The following LYAR variants were observed in gnomAD, a reference collection of about 807,000 sequenced individuals.
The protein encoded by LYAR is Ly1 antibody reactive, also known as cell growth-regulating nucleolar protein.
Under a neutral mutation model 45.2 loss-of-function variants are expected in LYAR, and 37 were observed. The observed-to-expected ratio is 0.82, with a 90% CI of 0.63 to 1.08. The LOEUF is 1.08. Among genes scored for constraint, LYAR ranks in the 50% least tolerant of loss-of-function variants. LYAR has a pLI of 0.00. For missense variants in LYAR, 493 were observed against 451.0 expected (o/e 1.09, Z -0.84); for synonymous variants, 176 against 155.1 (o/e 1.14, Z -1.00).
intron 8 of LYAR, among the ~76,000 whole-genome samples, chr4:4,272,213 T>C (rs2108838609): frequency 6.6e-6 from 1 of 152,340 alleles, no homozygotes; most frequent in Non-Finnish European, 1.5e-5. Context: ...AGTGTTATCC[T>C]GGGTGGCAAC....
At chr4:4,286,458 TC>T (rs1560098704) in intron 2 of LYAR, 60 bp downstream of exon 2, 1 of 151,968 alleles carries the variant, frequency 6.6e-6, no homozygotes, top group Non-Finnish European at 1.5e-5. Context: ...GGAAATTCAG[TC>T]CCTCTAATGG....
intron 6 of LYAR, among the ~76,000 whole-genome samples, chr4:4,275,946 C>A (rs1331620064): frequency 6.6e-6 from 1 of 152,198 alleles, no homozygotes; most frequent in Non-Finnish European, 1.5e-5. Context: ...TCCGCCCGAC[C>A]TGGCCTCCCA....
intron 3 of LYAR, among the ~76,000 whole-genome samples, chr4:4,282,684 G>A (rs1416225886): frequency 1.3e-5 from 2 of 152,260 alleles, no homozygotes; most frequent in African/African-American, 4.8e-5. Context: ...TTCAAGAGGG[G>A]AGCCCTCTGC....
At chr4:4,289,569 G>C (rs1719773252) in intron 1 of LYAR, 1 of 152,290 alleles carries the variant, frequency 6.6e-6, no homozygotes, top group African/African-American at 2.4e-5. Context: ...TGACAGATGA[G>C]GAAAGTGAGG....
rs1466861029 is a variant in LYAR, at chr4:4,267,901, C to G, written c.1128G>C (p.Lys376Asn). 1.2e-6 allele frequency: 2 copies of G among 1,610,632 alleles called. No individual in the cohort carries two copies. The highest frequency in any genetic ancestry group is 2.7e-5 in the African/African-American group (2 of 74,894). Residue 376 changes from lysine (K) to asparagine (N), a missense_variant, in exon 10 of 10, where the codon AAG (lysine) becomes AAC (asparagine). Transcript: ENST00000343470. ...PTFKLLKDKVKLVK is the reference protein window; with the variant it reads ...PTFKLLKDKVNLVK ...AATACACAAATGTTCATTTCACAAGCTTGACTTTGTCCTTTAATAACTTAA... is the reference window on the plus strand; with the variant it reads ...AATACACAAATGTTCATTTCACAAGGTTGACTTTGTCCTTTAATAACTTAA...
At chr4:4,270,713 C>G (rs1718899589) in intron 8 of LYAR, among the ~76,000 whole-genome samples, 2 of 152,252 alleles carry the variant, frequency 1.3e-5, no homozygotes, top group African/African-American at 4.8e-5. Context: ...CACACAAATT[C>G]AAACCACAAT....
Position 4,267,806 on chromosome 4 carries a change from G to C in LYAR, c.*83C>G, listed in dbSNP as rs1718772781. Reference sequence around the variant, plus strand: ...AGCTTCAAAAAGCAAAATTTGAGTTGTTAGAATTCATTACACATTTTATAA... The same window carrying C: ...AGCTTCAAAAAGCAAAATTTGAGTTCTTAGAATTCATTACACATTTTATAA... On this transcript the variant is annotated 3_prime_UTR_variant, in exon 10 of 10. Transcript: ENST00000343470. 1 of 1,196,694 alleles carries C rather than the reference G, an allele frequency of 8.4e-7. No homozygotes were observed. Among genetic ancestry groups the C allele is most frequent in the Non-Finnish European group, 1.1e-6 (1 of 905,358 alleles). 74.1% of individuals were successfully genotyped at this position (1,196,694 alleles called of 1,614,324 possible).
chr4:4,281,774 A>C lies in LYAR; in HGVS notation c.237+9T>G, dbSNP rs751935119. 1 of 1,604,614 alleles carries C rather than the reference A, an allele frequency of 6.2e-7. No individual in the cohort carries two copies. Among genetic ancestry groups the C allele is most frequent in the East Asian group, 2.2e-5 (1 of 44,832 alleles). ...GAGGAAGCTACTCAATGAGTTAGAG[A>C]GACGTTACCTGAATCCACGCCTGCT... On this transcript the variant is annotated intron_variant, in intron 4 of 9. Transcript: ENST00000343470.
chr4:4,283,734 A>C lies in LYAR; in HGVS notation c.9T>G (p.Phe3Leu). 6.2e-7 allele frequency: 1 copy of C among 1,610,590 alleles called. No homozygotes were observed. The change falls in exon 3 of 10, where the codon TTT becomes TTG. Residue 3 changes from phenylalanine (F) to leucine (L), a missense_variant. Transcript: ENST00000343470. ...ATTCACCACATGCATTGCATGTAAA[A>C]AATACCATTTTTAGGTAAATGGCTA... MV[F>L]FTCNACGESV...
intron 3 of LYAR, among the ~76,000 whole-genome samples, chr4:4,282,543 TG>T (rs1719439892): frequency 6.6e-6 from 1 of 152,182 alleles, no homozygotes; most frequent in Non-Finnish European, 1.5e-5. Flanking sequence ...AAAAAATCAC[TG>T]CTCCAGAATG....
intron 4 of LYAR, among the ~76,000 whole-genome samples, chr4:4,280,479 A>G (rs1213306756): frequency 6.6e-6 from 1 of 152,228 alleles, no homozygotes; most frequent in Non-Finnish European, 1.5e-5. Flanking sequence ...AACAATCTTG[A>G]AAAGAACAAC....
chr4:4,274,522 C>A lies in LYAR; in HGVS notation c.677G>T (p.Gly226Val). 1 of 1,614,222 alleles carries A rather than the reference C, an allele frequency of 6.2e-7. No homozygotes were observed. The highest frequency in any genetic ancestry group is 8.5e-7 in the Non-Finnish European group (1 of 1,180,046). ...RNQKPKKRKK[G>V]QEADLEAGGE... ...ACCAGCCTCAAGGTCAGCCTCCTGTCCCTTTTTGCGCTTCTTAGGCTTCTG... is the reference window on the plus strand; with the variant it reads ...ACCAGCCTCAAGGTCAGCCTCCTGTACCTTTTTGCGCTTCTTAGGCTTCTG... The change falls in exon 7 of 10, where the codon GGA becomes GTA. Residue 226 changes from glycine to valine, a missense_variant. Transcript: ENST00000343470.
chr4:4,272,634 C>T (rs567467039), intron 8 of LYAR, among the ~76,000 whole-genome samples: 3 of 152,318 alleles, frequency 2.0e-5, no homozygotes, highest in South Asian at 4.1e-4. Context: ...AGAAGGCATA[C>T]AGCAGGACAG....
intron 8 of LYAR, 42 bp downstream of exon 8, chr4:4,273,541 G>T: frequency 7.0e-7 from 1 of 1,438,820 alleles, no homozygotes. Context: ...AGCGAGAGCC[G>T]CTGTGCCCAG....
At chr4:4,283,272 T>A (rs1719475051) in intron 3 of LYAR, among the ~76,000 whole-genome samples, 1 of 152,138 alleles carries the variant, frequency 6.6e-6, no homozygotes, top group African/African-American at 2.4e-5. Flanking sequence ...TGCCTCAGCC[T>A]CCCGAGTAGC....
intron 8 of LYAR, among the ~76,000 whole-genome samples, chr4:4,271,683 G>A (rs1038430225): frequency 6.6e-6 from 1 of 152,182 alleles, no homozygotes; most frequent in African/African-American, 2.4e-5. Flanking sequence ...ATTAGTTATT[G>A]AGCTGGTGGT....
intron 2 of LYAR, among the ~76,000 whole-genome samples, chr4:4,284,796 G>C (rs960721406): frequency 9.2e-5 from 14 of 152,132 alleles, no homozygotes; most frequent in African/African-American, 3.4e-4. Flanking sequence ...AAAATACTGA[G>C]AACTGTTTAA....
At chr4:4,269,549 G>A (rs1050305910) in intron 8 of LYAR, among the ~76,000 whole-genome samples, 2 of 152,132 alleles carry the variant, frequency 1.3e-5, no homozygotes, top group Non-Finnish European at 2.9e-5. Context: ...CCTGCACCAG[G>A]AGCCCTGCCC....
intron 2 of LYAR, 30 bp downstream of exon 2, chr4:4,286,489 A>G (rs1719616419): frequency 6.6e-6 from 1 of 152,204 alleles, no homozygotes; most frequent in Non-Finnish European, 1.5e-5. Flanking sequence ...AACATTGCCT[A>G]AAACAAAAAT....
Sources: allele counts gnomAD v4.1 joint callset (sites outside exome capture counted in the v4.1 genomes callset), GRCh38; gene constraint gnomAD v4.1.1; transcripts MANE v1.5; gene names NCBI Gene and HGNC (gene_info 2026-07-23, HGNC 2026-07-21).